Variants in GMDS observed in about 807,000 individuals in gnomAD.
The protein encoded by GMDS is GDP-mannose 4,6-dehydratase.
In GMDS, 20 loss-of-function variants were observed where a neutral mutation model predicts 49.9. The ratio of observed to expected loss-of-function variants is 0.40; its 90% CI spans 0.28 to 0.58. The LOEUF is 0.58. GMDS is among the 20% of genes least tolerant of loss of function. The pLI, the probability that GMDS is intolerant of heterozygous loss-of-function variation, is 0.42. For missense variants in GMDS, 362 were observed against 481.4 expected, an observed-to-expected ratio of 0.75 and a Z score of 2.32; for synonymous variants, 177 against 178.6, an observed-to-expected ratio of 0.99 and a Z score of 0.07.
At chr6:1,911,302 C>T (rs1253594405) in intron 7 of GMDS, among the ~76,000 whole-genome samples, 2 of 152,160 alleles carry the variant, frequency 1.3e-5, no homozygotes, top group Non-Finnish European at 2.9e-5. Context: ...GATGTTGAGT[C>T]AGGCTACATC....
rs191357591 is a variant in GMDS at position 2,110,203 on chromosome 6, C to G, written c.345+5568G>C. On this transcript the variant is annotated intron_variant, in intron 4 of 10. Coordinates refer to ENST00000380815, the MANE Select transcript of GMDS (RefSeq NM_001500.4). ...CCTTTCACCAACCGCCCTTCCCCCC[C>G]ATAATGCAATTCTCCCAATGTATTT... 6.7e-3 allele frequency among the ~76,000 whole-genome samples: 1,021 copies of G among 152,054 alleles called. 6 individuals carry two copies. The highest frequency in any genetic ancestry group is 0.027 in the South Asian group (128 of 4,798).
In GMDS at chr6:1,640,825, C is replaced by A. The variant is rs1415401539; in HGVS notation, c.988-16285G>T. Among the ~76,000 whole-genome samples, 3 of 151,294 alleles carry A rather than the reference C, an allele frequency of 2.0e-5. No individual in the cohort carries two copies. Among genetic ancestry groups the A allele is most frequent in the African/African-American group, 7.3e-5 (3 of 41,124 alleles). ...AAGAAAATTGGGTAATGGGGGGGGT[C>A]ACGAATGCCAACACGGTACTGTTTA... On this transcript the variant is annotated intron_variant, in intron 9 of 10. Transcript: ENST00000380815. The surrounding 1 kb of genome is among the most constrained non-coding windows in gnomAD (Gnocchi z 4.0).
At chr6:2,156,777 T>C (rs1020925085) in intron 1 of GMDS, among the ~76,000 whole-genome samples, 5 of 152,190 alleles carry the variant, frequency 3.3e-5, no homozygotes, top group African/African-American at 1.2e-4. Flanking sequence ...CTTTTAAACT[T>C]CCTTTCTGAA....
At chr6:2,116,615 T>C (rs1244979229) in intron 3 of GMDS, among the ~76,000 whole-genome samples, 1 of 152,218 alleles carries the variant, frequency 6.6e-6, no homozygotes. Flanking sequence ...TGTGGACAAC[T>C]GCATCATCTT....
intron 7 of GMDS, among the ~76,000 whole-genome samples, chr6:1,906,925 G>A (rs568469971): frequency 6.6e-6 from 1 of 152,234 alleles, no homozygotes; most frequent in South Asian, 2.1e-4. Context: ...CCACCGTAGG[G>A]GCTCCCTGCA....
At chr6:2,061,094 C>T (rs1771128007) in intron 4 of GMDS, among the ~76,000 whole-genome samples, 1 of 151,982 alleles carries the variant, frequency 6.6e-6, no homozygotes, top group African/African-American at 2.4e-5. Context: ...AGCAGAAGGC[C>T]GTGAGGCAGG....
At chr6:2,074,079 A>C (rs1474627974) in intron 4 of GMDS, among the ~76,000 whole-genome samples, 1 of 152,200 alleles carries the variant, frequency 6.6e-6, no homozygotes, top group Non-Finnish European at 1.5e-5. Flanking sequence ...TTAGTTTTCT[A>C]AGAAATATCC....
At chr6:2,208,810 G>A (rs776947427) in intron 1 of GMDS, among the ~76,000 whole-genome samples, 30 of 149,914 alleles carry the variant, frequency 2.0e-4, no homozygotes, top group Non-Finnish European at 3.2e-4. Context: ...TTTGCTAAAC[G>A]ATTATCACTA....
At chr6:1,988,753 T>C (rs1045926164) in intron 4 of GMDS, among the ~76,000 whole-genome samples, 3 of 152,008 alleles carry the variant, frequency 2.0e-5, no homozygotes, top group African/African-American at 7.3e-5. Context: ...AGAAAATAAA[T>C]CAATATTTTA....
chr6:2,219,399 T>C (rs995967419), intron 1 of GMDS, among the ~76,000 whole-genome samples: 4 of 152,162 alleles, frequency 2.6e-5, no homozygotes, highest in African/African-American at 9.7e-5. Flanking sequence ...GAAGACAACA[T>C]AGAACTTACT....
chr6:1,687,647 T>C (rs1765022573), intron 9 of GMDS, among the ~76,000 whole-genome samples: 1 of 152,076 alleles, frequency 6.6e-6, no homozygotes, highest in East Asian at 1.9e-4. Flanking sequence ...GCTTCCATTC[T>C]AGCGGGAGGA....
intron 1 of GMDS, among the ~76,000 whole-genome samples, chr6:2,188,105 C>T (rs1778857979): frequency 1.3e-5 from 2 of 152,188 alleles, no homozygotes; most frequent in Admixed American, 6.5e-5. Flanking sequence ...TGACAACCTG[C>T]TGCATCACTG....
At position 1,635,865 on chromosome 6, in the gene GMDS, C is replaced by T. The variant is rs964383567; in HGVS notation, c.988-11325G>A. Among the ~76,000 whole-genome samples, 23 of 152,246 alleles carry T rather than the reference C, an allele frequency of 1.5e-4. No individual in the cohort carries two copies. Among genetic ancestry groups the T allele is most frequent in the African/African-American group, 5.1e-4 (21 of 41,464 alleles). ...AAGCAGGGCCCAGCCTCGGCACCTC[C>T]AGCACTGCGTCTGGGAGCTGCTCTT... is the stretch of plus-strand genomic sequence containing the variant. On this transcript the variant is annotated intron_variant, in intron 9 of 10. Coordinates refer to ENST00000380815, the MANE Select transcript of GMDS (RefSeq NM_001500.4). This position sits in a 1 kb window ranked among gnomAD's most constrained non-coding sequence, Gnocchi z 4.7.
intron 4 of GMDS, among the ~76,000 whole-genome samples, chr6:2,076,979 C>T (rs1035666817): frequency 7.2e-5 from 11 of 152,162 alleles, no homozygotes; most frequent in African/African-American, 2.6e-4. Flanking sequence ...TTCGTTCATC[C>T]ATCTTTTGTA....
At chr6:1,981,416 C>T (rs1031795301) in intron 4 of GMDS, among the ~76,000 whole-genome samples, 1 of 152,084 alleles carries the variant, frequency 6.6e-6, no homozygotes, top group Admixed American at 6.6e-5. Flanking sequence ...CCTATAAGCA[C>T]ATAAACTAGA....
rs999290368 is a variant in GMDS, at chr6:1,662,497, A to G, written c.988-37957T>C. On this transcript the variant is annotated intron_variant, in intron 9 of 10. Coordinates refer to ENST00000380815, the MANE Select transcript of GMDS (RefSeq NM_001500.4). ...TGGGTGACCAGTACCTTGGAATCCAAGGATTAGAGTTCCCACACAAAGAAG... is the reference window on the plus strand; with the variant it reads ...TGGGTGACCAGTACCTTGGAATCCAGGGATTAGAGTTCCCACACAAAGAAG... Among the ~76,000 whole-genome samples, 13 of 152,250 alleles carry G rather than the reference A, an allele frequency of 8.5e-5. No individual in the cohort carries two copies. In the East Asian group the frequency reaches 9.7e-4, roughly 11 times the overall value.
chr6:1,984,250 C>T (rs1261098820), intron 4 of GMDS, among the ~76,000 whole-genome samples: 2 of 152,014 alleles, frequency 1.3e-5, no homozygotes, highest in African/African-American at 2.4e-5. Flanking sequence ...GGGAGAGCAT[C>T]GGGAAGAATA....
chr6:2,029,489 T>C (rs980310502), intron 4 of GMDS, among the ~76,000 whole-genome samples: 1 of 152,172 alleles, frequency 6.6e-6, no homozygotes, highest in Non-Finnish European at 1.5e-5. Context: ...CTGCAAATTG[T>C]CCAGGGTATT....
intron 9 of GMDS, among the ~76,000 whole-genome samples, chr6:1,723,877 C>A (rs764518): frequency 0.84 from 127,498 of 152,170 alleles, 53,878 homozygotes; most frequent in East Asian, 1. Context: ...GGACTCATAC[C>A]AAATGGCTCT....
Sources: gnomAD v4.1 joint callset for allele counts (sites outside exome capture counted in the v4.1 genomes callset) on GRCh38, gnomAD v4.1.1 for gene constraint, Gnocchi (gnomAD v3.1) non-coding constraint, MANE v1.5 for transcripts, NCBI Gene and HGNC (gene_info 2026-07-23, HGNC 2026-07-21) for gene names.